The following BTLA variants were observed in gnomAD, a reference collection of about 807,000 sequenced individuals.
The protein encoded by BTLA is B- and T-lymphocyte attenuator.
A neutral mutation model predicts 25.0 loss-of-function variants in BTLA; 11 were observed. The observed-to-expected ratio is 0.44, with a 90% CI of 0.28 to 0.73. BTLA has a LOEUF of 0.73. Ranked by LOEUF, BTLA falls within the 30% of genes least tolerant of loss-of-function variation. The pLI, the probability that BTLA is intolerant of heterozygous loss-of-function variation, is 0.15. For missense variants in BTLA, 282 were observed against 332.8 expected (o/e 0.85, Z 1.19); for synonymous variants, 104 against 119.8 (o/e 0.87, Z 0.86).
intron 1 of BTLA, among the ~76,000 whole-genome samples, chr3:112,488,056 A>C (rs1395415089): frequency 2.0e-5 from 3 of 152,022 alleles, no homozygotes; most frequent in Admixed American, 6.6e-5. Context: ...CAGGATGGAA[A>C]ATGTCTTCCA....
intron 1 of BTLA, among the ~76,000 whole-genome samples, chr3:112,495,263 A>C (rs1236052949): frequency 1.3e-5 from 2 of 152,230 alleles, no homozygotes; most frequent in Non-Finnish European, 1.5e-5. Context: ...GATCTTAGCC[A>C]CTATACCACA....
chr3:112,470,273 A>T (rs2082255124), intron 3 of BTLA: 1 of 152,430 alleles, frequency 6.6e-6, no homozygotes, highest in South Asian at 2.1e-4. Flanking sequence ...CCATAGAAAG[A>T]GCCATGGAGT....
chr3:112,472,953 A>T (rs187275696), intron 2 of BTLA, among the ~76,000 whole-genome samples: 239 of 152,128 alleles, frequency 1.6e-3, no homozygotes, highest in Admixed American at 3.8e-3. Flanking sequence ...TCTACAACAG[A>T]TACCCTAATA....
chr3:112,485,976 G>A (rs1359713502), intron 1 of BTLA, among the ~76,000 whole-genome samples: 1 of 152,176 alleles, frequency 6.6e-6, no homozygotes, highest in Admixed American at 6.5e-5. Context: ...AATTAGCCGG[G>A]CGTGGTGGCG....
intron 1 of BTLA, among the ~76,000 whole-genome samples, chr3:112,490,604 AACAC>A (rs55894234): frequency 0.17 from 24,515 of 141,688 alleles, 4,313 homozygotes; most frequent in African/African-American, 0.45. Flanking sequence ...TCCCTGGGTA[AACAC>A]ACACACACAC....
chr3:112,479,872 C>G, intron 1 of BTLA, 103 bp from the exon 2 acceptor site: 1 of 943,828 alleles, frequency 1.1e-6, no homozygotes, highest in East Asian at 2.7e-5. Context: ...TTTTCAAAAA[C>G]AACCCCCCAA....
intron 2 of BTLA, among the ~76,000 whole-genome samples, chr3:112,475,447 G>A (rs1046780971): frequency 9.2e-5 from 14 of 152,118 alleles, no homozygotes; most frequent in African/African-American, 3.1e-4. Flanking sequence ...CTAAAGTTGG[G>A]TTCTTTCCTC....
At chr3:112,471,949 G>T (rs190727300) in intron 2 of BTLA, among the ~76,000 whole-genome samples, 4 of 152,314 alleles carry the variant, frequency 2.6e-5, no homozygotes, top group African/African-American at 9.6e-5. Flanking sequence ...CTGTTTGTCT[G>T]CAGTTGTTCA....
chr3:112,470,928 T>C (rs980038658), intron 3 of BTLA, among the ~76,000 whole-genome samples: 3 of 152,164 alleles, frequency 2.0e-5, no homozygotes, highest in Non-Finnish European at 4.4e-5. Context: ...AAACCTAAGA[T>C]TGATGCAAAG....
intron 1 of BTLA, among the ~76,000 whole-genome samples, chr3:112,481,735 C>T (rs1335995767): frequency 6.6e-6 from 1 of 152,190 alleles, no homozygotes; most frequent in Non-Finnish European, 1.5e-5. Flanking sequence ...GTATTTTCTC[C>T]CATTCATGCC....
chr3:112,467,107 G>A (rs2859584), intron 4 of BTLA, among the ~76,000 whole-genome samples: 138,622 of 151,900 alleles, frequency 0.91, 64,288 homozygotes, highest in Non-Finnish European at 1. Flanking sequence ...ACAGGCGCCC[G>A]CCACCTCGCC....
At chr3:112,486,860 C>T (rs187277356) in intron 1 of BTLA, among the ~76,000 whole-genome samples, 1 of 152,082 alleles carries the variant, frequency 6.6e-6, no homozygotes, top group Admixed American at 6.5e-5. Flanking sequence ...AAGTTTGCAC[C>T]AAATGACAAA....
intron 2 of BTLA, among the ~76,000 whole-genome samples, chr3:112,477,225 G>A (rs1431996380): frequency 6.6e-6 from 1 of 152,110 alleles, no homozygotes; most frequent in Non-Finnish European, 1.5e-5. Flanking sequence ...ACTGTGACAA[G>A]TAGGTTTTAT....
intron 2 of BTLA, among the ~76,000 whole-genome samples, chr3:112,471,660 G>A (rs2082262857): frequency 6.6e-6 from 1 of 152,162 alleles, no homozygotes; most frequent in Non-Finnish European, 1.5e-5. Flanking sequence ...TCTATTTACA[G>A]TATCTAACTC....
chr3:112,471,214 T>A lies in BTLA; in HGVS notation c.545A>T (p.Gln182Leu). ...FCLFCCLRRHQGKQNELSDTA... is the reference protein window; with the variant it reads ...FCLFCCLRRHLGKQNELSDTA... ...GGCAGAGGGAAAATAGAACCCACCT[T>A]GGTGCCTTCTCAGGCAGCAGAACAG... is the stretch of plus-strand genomic sequence containing the variant. Residue 182 changes from glutamine to leucine, a missense_variant and splice_region_variant, in exon 3 of 5, where the codon CAA becomes CTA. By Grantham distance (113) the Gln-to-Leu change is moderately radical (BLOSUM62 -2). Around this residue, in one of 2 missense-constraint regions of BTLA, gnomAD observed 163 missense variants for 230.4 expected, o/e 0.71. Transcript: ENST00000334529. The A allele has an allele frequency of 6.2e-7, 1 of 1,613,836 alleles. No homozygotes were observed. Among genetic ancestry groups the A allele is most frequent in the Non-Finnish European group, 8.5e-7 (1 of 1,179,832 alleles).
chr3:112,484,188 C>T (rs1366696555), intron 1 of BTLA, among the ~76,000 whole-genome samples: 1 of 152,070 alleles, frequency 6.6e-6, no homozygotes, highest in Non-Finnish European at 1.5e-5. Flanking sequence ...AGATTTAGAT[C>T]ATTGATACAC....
intron 1 of BTLA, among the ~76,000 whole-genome samples, chr3:112,490,401 A>C (rs191818915): frequency 6.6e-4 from 101 of 152,318 alleles, no homozygotes; most frequent in African/African-American, 2.4e-3. Flanking sequence ...AGTACAGTGA[A>C]AACTGACTGG....
At chr3:112,482,607 T>A (rs771810909) in intron 1 of BTLA, among the ~76,000 whole-genome samples, 4 of 152,196 alleles carry the variant, frequency 2.6e-5, no homozygotes, top group Non-Finnish European at 5.9e-5. Flanking sequence ...AGAAACCTGA[T>A]TGAGTTTCCA....
At chr3:112,469,558 C>T (rs2082248677) in intron 4 of BTLA, among the ~76,000 whole-genome samples, 200 bp downstream of exon 4, 1 of 144,858 alleles carries the variant, frequency 6.9e-6, no homozygotes, top group African/African-American at 2.7e-5. Context: ...AGAGTCTTTG[C>T]TGCATAGAGA....
Sources: allele counts gnomAD v4.1 joint callset (sites outside exome capture counted in the v4.1 genomes callset), GRCh38; gene constraint gnomAD v4.1.1; regional missense constraint gnomAD v4.1.1; transcripts MANE v1.5; gene names NCBI Gene and HGNC (gene_info 2026-07-23, HGNC 2026-07-21).